Variants in PTP4A2 observed in about 807,000 individuals in gnomAD.
The protein encoded by PTP4A2 is protein tyrosine phosphatase type IVA 2.
PTP4A2 carries 2 observed loss-of-function variants against 22.9 expected under a neutral mutation model. That is an observed-to-expected ratio of 0.09 (90% CI 0.04 to 0.27). The LOEUF is 0.27. Ranked by LOEUF, PTP4A2 falls within the 10% of genes least tolerant of loss-of-function variation. PTP4A2 has a pLI of 1.00. For missense variants in PTP4A2, 103 were observed against 205.1 expected, an observed-to-expected ratio of 0.50 and a Z score of 3.04; for synonymous variants, 68 against 69.1, an observed-to-expected ratio of 0.98 and a Z score of 0.08.
chr1:31,938,250 C>G lies in PTP4A2; in HGVS notation c.-857G>C, dbSNP rs1165941142. On this transcript the variant is annotated 5_prime_UTR_variant, in exon 1 of 6. Transcript: ENST00000647444. This position sits in a 1 kb window ranked among gnomAD's most constrained non-coding sequence, Gnocchi z 4.4. ...CCGCTGCCTCCGCTGCCGCCGCTGC[C>G]CTGTGGCGTCACCTCGCGCCGTGCC... 1 of 153,046 alleles carries G rather than the reference C, an allele frequency of 6.5e-6. No individual in the cohort carries two copies. The highest frequency in any genetic ancestry group is 1.4e-5 in the Non-Finnish European group (1 of 70,070). 9.5% of individuals were successfully genotyped at this position (153,046 alleles called of 1,614,324 possible).
chr1:31,930,488 A>G (rs1045153144), intron 1 of PTP4A2, among the ~76,000 whole-genome samples: 2 of 152,206 alleles, frequency 1.3e-5, no homozygotes, highest in South Asian at 2.1e-4. Context: ...GAAACTCTCT[A>G]TGGACAAGAC....
In PTP4A2 at chr1:31,938,198, C is replaced by T. The variant is rs1267130482; in HGVS notation, c.-805G>A. Reference sequence around the variant, plus strand: ...CGAGTCCGTCTTGCTGCTGCTGCTGCGGCCGCCGCTGCGTCTCCTGCTGCC... The same window carrying T: ...CGAGTCCGTCTTGCTGCTGCTGCTGTGGCCGCCGCTGCGTCTCCTGCTGCC... On this transcript the variant is annotated 5_prime_UTR_variant, in exon 1 of 6. Coordinates refer to ENST00000647444, the MANE Select transcript of PTP4A2 (RefSeq NM_080391.4). This position sits in a 1 kb window ranked among gnomAD's most constrained non-coding sequence, Gnocchi z 4.4. 22 of 152,160 alleles carry T rather than the reference C, an allele frequency of 1.4e-4. No homozygotes were observed. The highest frequency in any genetic ancestry group is 5.1e-4 in the African/African-American group (21 of 40,944). 9.4% of individuals were successfully genotyped at this position (152,160 alleles called of 1,614,324 possible).
chr1:31,926,149 A>AAAATAT (rs59088489), intron 1 of PTP4A2, among the ~76,000 whole-genome samples: 2 of 131,338 alleles, frequency 1.5e-5, no homozygotes, highest in African/African-American at 5.7e-5. Flanking sequence ...AAAAAAAAAA[A>AAAATAT]ATATATATAT....
rs570797764 is a variant in PTP4A2, at chr1:31,915,724, C to T, written c.189+171G>A. ...CCCACCAGTTTTTTAATTATCTGTA[C>T]AGATGAGATCTCGCCACATTGCCCA... On this transcript the variant is annotated intron_variant, in intron 3 of 5. Transcript: ENST00000647444. The T allele has an allele frequency of 3.2e-5, 17 of 533,720 alleles. No homozygotes were observed. In the South Asian group the frequency reaches 4.4e-4, roughly 14 times the overall value. The allele number at this position is 533,720 out of a possible 1,614,324, so 33.1% of individuals were successfully genotyped here. A position where few individuals can be genotyped will look rare whatever the true frequency, so the allele number is the denominator to read the frequency against.
rs562520 is a variant in PTP4A2 at position 31,931,303 on chromosome 1, T to C, written c.-594+6684A>G. 9.4e-4 allele frequency among the ~76,000 whole-genome samples: 143 copies of C among 152,254 alleles called. 2 individuals are homozygous for C. In the East Asian group the frequency reaches 0.024, roughly 25 times the overall value. The stretch of plus-strand genomic sequence containing the variant: ...TATAATAGAAAACTGGTAGAAACAG[T>C]GAAGGAACCATGGTAGTGTGACTTG... On this transcript the variant is annotated intron_variant, in intron 1 of 5. Transcript: ENST00000647444.
intron 1 of PTP4A2, among the ~76,000 whole-genome samples, chr1:31,926,145 A>ATATATATAT (rs1462317913): frequency 2.3e-5 from 3 of 130,792 alleles, no homozygotes; most frequent in South Asian, 5.0e-4. Flanking sequence ...TAAAAAAAAA[A>ATATATATAT]AAAAATATAT....
chr1:31,937,257 T>C (rs1652975820), intron 1 of PTP4A2, among the ~76,000 whole-genome samples: 1 of 151,888 alleles, frequency 6.6e-6, no homozygotes, highest in Admixed American at 6.6e-5. Flanking sequence ...ACACATCACA[T>C]CCTTTCTGGG....
Position 31,911,839 on chromosome 1 carries a change from G to C in PTP4A2, c.190-13C>G. On this transcript the variant is annotated splice_polypyrimidine_tract_variant and intron_variant, in intron 3 of 5. Transcript: ENST00000647444. The stretch of plus-strand genomic sequence containing the variant: ...CAAATGGCCAATCCTGAAAAGAAAT[G>C]ACCTTTTACATTAAATTGATATTTT... The C allele has an allele frequency of 6.5e-7, 1 of 1,549,202 alleles. No homozygotes were observed. Among genetic ancestry groups the C allele is most frequent in the Admixed American group, 2.1e-5 (1 of 47,702 alleles).
At chr1:31,930,491 G>C (rs1652680004) in intron 1 of PTP4A2, among the ~76,000 whole-genome samples, 1 of 152,054 alleles carries the variant, frequency 6.6e-6, no homozygotes, top group South Asian at 2.1e-4. Context: ...ACTCTCTATG[G>C]ACAAGACACA....
chr1:31,926,149 A>AAAAAATATATATATATAT (rs59088489), intron 1 of PTP4A2, among the ~76,000 whole-genome samples: 3 of 131,340 alleles, frequency 2.3e-5, no homozygotes, highest in Admixed American at 1.5e-4. Context: ...AAAAAAAAAA[A>AAAAAATATATATATATAT]ATATATATAT....
chr1:31,917,146 C>G (rs778858099), intron 2 of PTP4A2, among the ~76,000 whole-genome samples: 10 of 152,136 alleles, frequency 6.6e-5, no homozygotes, highest in Non-Finnish European at 1.3e-4. Context: ...AGACTATGGC[C>G]AAGGAATCCA....
chr1:31,928,205 ATTATAATAT>A (rs1652556973), intron 1 of PTP4A2, among the ~76,000 whole-genome samples: 1 of 140,366 alleles, frequency 7.1e-6, no homozygotes, highest in South Asian at 2.4e-4. Flanking sequence ...ATATTTATAT[ATTATAATAT>A]ATAAATATAA....
At chr1:31,915,684 T>A (rs1651792076) in intron 3 of PTP4A2, 1 of 373,606 alleles carries the variant, frequency 2.7e-6, no homozygotes, top group Non-Finnish European at 4.9e-6. Flanking sequence ...GGACCACAGG[T>A]GTGCACCAAC....
intron 1 of PTP4A2, among the ~76,000 whole-genome samples, chr1:31,922,697 T>C (rs1041952179): frequency 6.6e-6 from 1 of 151,788 alleles, no homozygotes; most frequent in Non-Finnish European, 1.5e-5. Flanking sequence ...GGCGCGATCA[T>C]GGCTCACCGC....
chr1:31,931,231 GAGA>G (rs1322612826), intron 1 of PTP4A2: 1 of 152,232 alleles, frequency 6.6e-6, no homozygotes, highest in Non-Finnish European at 1.5e-5. Flanking sequence ...AAGTAAGCGT[GAGA>G]AGAATGGAGT....
At chr1:31,909,930 CA>C in intron 5 of PTP4A2, 107 bp downstream of exon 5, 20 of 989,138 alleles carry the variant, frequency 2.0e-5, no homozygotes, top group Non-Finnish European at 1.8e-5. Context: ...TACTTCAAGC[CA>C]AAAAAAGCAA....
chr1:31,927,603 G>C (rs746759196), intron 1 of PTP4A2, among the ~76,000 whole-genome samples: 7 of 152,180 alleles, frequency 4.6e-5, no homozygotes, highest in Non-Finnish European at 1.0e-4. Flanking sequence ...TACAAAAATG[G>C]TAAGGGTGGA....
rs1553212253 is a variant in PTP4A2 at position 31,926,149 on chromosome 1, A to ATATATATATATAT, written c.-593-6492_-593-6491insATATATATATATA. 7.6e-5 allele frequency among the ~76,000 whole-genome samples: 10 copies of ATATATATATATAT among 131,348 alleles called. No homozygotes were observed. In the Admixed American group the frequency reaches 7.7e-4, roughly 10 times the overall value. The allele number at this position is 131,348 out of a possible 152,430, so 86.2% of individuals were successfully genotyped here. A position where few individuals can be genotyped will look rare whatever the true frequency, so the allele number is the denominator to read the frequency against. On this transcript the variant is annotated intron_variant, in intron 1 of 5. Transcript: ENST00000647444. ...TTTCAAAAAATTAAAAAAAAAAAAA[A>ATATATATATATAT]ATATATATATATATATATATTTATC...
chr1:31,937,125 T>C (rs919449451), intron 1 of PTP4A2, among the ~76,000 whole-genome samples: 9 of 152,174 alleles, frequency 5.9e-5, no homozygotes, highest in South Asian at 2.1e-4. Context: ...ACAGACAAAC[T>C]TCTTTTCGTT....
Sources: allele counts gnomAD v4.1 joint callset (sites outside exome capture counted in the v4.1 genomes callset), GRCh38; gene constraint gnomAD v4.1.1; non-coding constraint Gnocchi (gnomAD v3.1); transcripts MANE v1.5; gene names NCBI Gene and HGNC (gene_info 2026-07-23, HGNC 2026-07-21).